SMOC2: variants seen among roughly 807,000 people sequenced by gnomAD.
SMOC2 encodes SPARC-related modular calcium-binding protein 2.
SMOC2 carries 39 observed loss-of-function variants against 61.4 expected under a neutral mutation model. That is an observed-to-expected ratio of 0.64 (90% confidence interval 0.49 to 0.83). The LOEUF (loss-of-function observed/expected upper bound fraction) is 0.83. Among genes scored for constraint, SMOC2 ranks in the 40% least tolerant of loss-of-function variants. The pLI, the probability that SMOC2 is intolerant of heterozygous loss-of-function variation, is 0.00. For synonymous variants in SMOC2, 247 were observed against 239.9 expected (o/e 1.03, Z -0.27); for missense variants, 556 against 592.9 (o/e 0.94, Z 0.65).
intron 2 of SMOC2, among the ~76,000 whole-genome samples, chr6:168,514,407 C>T (rs1182352664): frequency 6.6e-6 from 1 of 152,236 alleles, no homozygotes; most frequent in Non-Finnish European, 1.5e-5. Flanking sequence ...CAGCATGCTT[C>T]ACCCAGGAAA....
chr6:168,505,435 A>C (rs1031813230), intron 1 of SMOC2, among the ~76,000 whole-genome samples: 17 of 151,660 alleles, frequency 1.1e-4, no homozygotes, highest in African/African-American at 4.1e-4. Flanking sequence ...CAGATGCTGG[A>C]TGAATGACTG....
chr6:168,511,096 C>T (rs569351426), intron 2 of SMOC2, among the ~76,000 whole-genome samples: 1 of 152,242 alleles, frequency 6.6e-6, no homozygotes, highest in East Asian at 1.9e-4. Flanking sequence ...GATGCTGGGA[C>T]ATTCTGTTTT....
chr6:168,549,304 T>G, intron 7 of SMOC2, 101 bp downstream of exon 7: 1 of 1,076,424 alleles, frequency 9.3e-7, no homozygotes, highest in Non-Finnish European at 1.4e-6. Context: ...AGTTGACCCT[T>G]GAACAACATG....
intron 7 of SMOC2, among the ~76,000 whole-genome samples, chr6:168,583,015 C>G (rs1784957078): frequency 6.6e-6 from 1 of 152,204 alleles, no homozygotes; most frequent in Non-Finnish European, 1.5e-5. Flanking sequence ...TTCACAGAGG[C>G]TGCCCAGTCG....
At chr6:168,489,532 G>C (rs1782420706) in intron 1 of SMOC2, among the ~76,000 whole-genome samples, 2 of 149,828 alleles carry the variant, frequency 1.3e-5, no homozygotes, top group African/African-American at 5.0e-5. Context: ...GGATCACACT[G>C]TTTTAGAATG....
intron 1 of SMOC2, among the ~76,000 whole-genome samples, chr6:168,498,239 T>C (rs529427236): frequency 3.6e-4 from 55 of 152,346 alleles, no homozygotes; most frequent in Admixed American, 2.0e-3. Context: ...TTGGATGCAT[T>C]TCCCTGGCTT....
At chr6:168,524,922 G>A (rs559202063) in intron 2 of SMOC2, among the ~76,000 whole-genome samples, 2 of 152,354 alleles carry the variant, frequency 1.3e-5, no homozygotes, top group South Asian at 2.1e-4. Context: ...GTAGGAGCCC[G>A]CTGTGACGGG....
intron 9 of SMOC2, among the ~76,000 whole-genome samples, chr6:168,648,314 C>T (rs1449974607): frequency 6.6e-6 from 1 of 152,266 alleles, no homozygotes; most frequent in African/African-American, 2.4e-5. Flanking sequence ...CCTGCCCCGG[C>T]GCCTGTCTCG....
chr6:168,519,824 T>G (rs1185507407), intron 2 of SMOC2, among the ~76,000 whole-genome samples: 7 of 152,242 alleles, frequency 4.6e-5, no homozygotes, highest in Non-Finnish European at 4.4e-5. Flanking sequence ...TGTGGTTTCT[T>G]GTATAAATAT....
At chr6:168,457,601 C>T (rs1015998959) in intron 1 of SMOC2, among the ~76,000 whole-genome samples, 2 of 152,210 alleles carry the variant, frequency 1.3e-5, no homozygotes, top group African/African-American at 4.8e-5. Flanking sequence ...GTCCTTCCAG[C>T]CGTGCTTGTG....
chr6:168,630,592 G>A (rs190314517), intron 9 of SMOC2, among the ~76,000 whole-genome samples: 19 of 152,292 alleles, frequency 1.2e-4, no homozygotes, highest in Admixed American at 1.2e-3. Context: ...AAAAGAAAAG[G>A]ATAACAGCAA....
intron 7 of SMOC2, among the ~76,000 whole-genome samples, chr6:168,577,635 T>G (rs1784836799): frequency 6.6e-6 from 1 of 152,150 alleles, no homozygotes; most frequent in Non-Finnish European, 1.5e-5. Context: ...CTGGACTGGC[T>G]CTATCTGGTC....
chr6:168,581,757 C>A (rs778768619), intron 7 of SMOC2, among the ~76,000 whole-genome samples: 1 of 152,200 alleles, frequency 6.6e-6, no homozygotes, highest in Admixed American at 6.5e-5. Flanking sequence ...TGAAAAGCCG[C>A]AGACCTGCCT....
intron 9 of SMOC2, among the ~76,000 whole-genome samples, chr6:168,644,710 T>C (rs1786980742): frequency 7.0e-6 from 1 of 142,618 alleles, no homozygotes; most frequent in Non-Finnish European, 1.5e-5. Flanking sequence ...AGTGCAGTGG[T>C]ACGATCGCAG....
chr6:168,492,853 A>G (rs987192620), intron 1 of SMOC2, among the ~76,000 whole-genome samples: 4 of 152,224 alleles, frequency 2.6e-5, no homozygotes, highest in Admixed American at 2.6e-4. Flanking sequence ...GAGTACAGAA[A>G]TGTGCCTTCT....
chr6:168,459,983 T>C (rs937747536), intron 1 of SMOC2, among the ~76,000 whole-genome samples: 52 of 152,186 alleles, frequency 3.4e-4, no homozygotes, highest in African/African-American at 1.2e-3. Flanking sequence ...CTTCAAGTGA[T>C]AGGCTTCAAA....
At position 168,664,384 on chromosome 6, in the gene SMOC2, CT is replaced by C. The variant is rs750178882; in HGVS notation, c.1323+305del. ...TTCTGAGTTTCCTTGTTTGGTAGAT[CT>C]TTTTTTTTTTTTTTTTTTTTTTTTT... On this transcript the variant is annotated intron_variant, in intron 12 of 12. Transcript: ENST00000356284. 1,001 of 329,000 alleles carry C rather than the reference CT, an allele frequency of 3.0e-3. 2 individuals carry two copies. Among genetic ancestry groups the C allele is most frequent in the Admixed American group, 0.01 (209 of 20,056 alleles). 20.4% of individuals were successfully genotyped at this position (329,000 alleles called of 1,614,324 possible). A position where few individuals can be genotyped will look rare whatever the true frequency, so the allele number is the denominator to read the frequency against.
chr6:168,480,506 C>T (rs1437377293), intron 1 of SMOC2, among the ~76,000 whole-genome samples: 2 of 151,944 alleles, frequency 1.3e-5, no homozygotes, highest in African/African-American at 4.8e-5. Flanking sequence ...TTCAGAGGCA[C>T]ATTTGAGCAG....
intron 7 of SMOC2, among the ~76,000 whole-genome samples, chr6:168,575,495 C>T (rs1472432969): frequency 6.6e-6 from 1 of 152,074 alleles, no homozygotes; most frequent in Non-Finnish European, 1.5e-5. Context: ...GAATGAGGAG[C>T]GTGGACACAG....
Sources: gnomAD v4.1 joint callset for allele counts (sites outside exome capture counted in the v4.1 genomes callset) on GRCh38, gnomAD v4.1.1 for gene constraint, MANE v1.5 for transcripts, NCBI Gene and HGNC (gene_info 2026-07-23, HGNC 2026-07-21) for gene names.